Variants in MCF2L2 observed in about 807,000 individuals in gnomAD.
MCF2L2 encodes the protein probable guanine nucleotide exchange factor MCF2L2.
A neutral mutation model predicts 150.2 loss-of-function variants in MCF2L2; 102 were observed. The ratio of observed to expected loss-of-function variants is 0.68; its 90% CI spans 0.58 to 0.80. MCF2L2 has a LOEUF of 0.80. Among genes scored for constraint, MCF2L2 ranks in the 30% least tolerant of loss-of-function variants. MCF2L2 has a pLI of 0.00. For synonymous variants in MCF2L2, 465 were observed against 491.3 expected (o/e 0.95, Z 0.71); for missense variants, 1,256 against 1,372.8 (o/e 0.91, Z 1.34).
chr3:183,331,424 C>T (rs1730269043), intron 5 of MCF2L2, among the ~76,000 whole-genome samples: 2 of 152,174 alleles, frequency 1.3e-5, no homozygotes, highest in South Asian at 4.1e-4. Flanking sequence ...CTTTACCATA[C>T]GTGCATATTC....
At chr3:183,353,275 A>C (rs918257232) in intron 3 of MCF2L2, among the ~76,000 whole-genome samples, 14 of 152,180 alleles carry the variant, frequency 9.2e-5, no homozygotes, top group African/African-American at 3.4e-4. Context: ...TATTTAGAGG[A>C]TACTTCCGCT....
chr3:183,353,161 TA>T (rs201270028), intron 3 of MCF2L2, among the ~76,000 whole-genome samples: 2 of 151,822 alleles, frequency 1.3e-5, no homozygotes, highest in East Asian at 3.9e-4. Flanking sequence ...ATTTAAAAAT[TA>T]AAAAAAACCC....
At chr3:183,393,383 G>C (rs1027101145) in intron 1 of MCF2L2, among the ~76,000 whole-genome samples, 6 of 151,904 alleles carry the variant, frequency 3.9e-5, no homozygotes, top group African/African-American at 1.5e-4. Context: ...AGTAGGGACA[G>C]GGTTTCTCCA....
At chr3:183,369,315 A>T (rs1178465076) in intron 3 of MCF2L2, among the ~76,000 whole-genome samples, 1 of 151,982 alleles carries the variant, frequency 6.6e-6, no homozygotes, top group African/African-American at 2.4e-5. Flanking sequence ...TTAACCAACC[A>T]CCCAACACTG....
chr3:183,418,971 C>T (rs990040457), intron 1 of MCF2L2, among the ~76,000 whole-genome samples: 1 of 152,376 alleles, frequency 6.6e-6, no homozygotes, highest in South Asian at 2.1e-4. Flanking sequence ...CCACACTGCC[C>T]TAGCAGAGAT....
intron 22 of MCF2L2, among the ~76,000 whole-genome samples, chr3:183,211,003 C>T (rs2017340): frequency 0.97 from 148,228 of 152,200 alleles, 72,197 homozygotes; most frequent in East Asian, 1. Flanking sequence ...CAGCAGGAGA[C>T]GGGGCTGTGA....
At chr3:183,334,820 A>C (rs1456621158) in intron 5 of MCF2L2, among the ~76,000 whole-genome samples, 1 of 151,128 alleles carries the variant, frequency 6.6e-6, no homozygotes, top group Non-Finnish European at 1.5e-5. Flanking sequence ...AAGACAAAGA[A>C]AGGGCCAGGC....
chr3:183,217,344 T>A (rs2108657914), intron 21 of MCF2L2, among the ~76,000 whole-genome samples: 1 of 142,434 alleles, frequency 7.0e-6, no homozygotes, highest in African/African-American at 2.6e-5. Flanking sequence ...TGGTGGTGTG[T>A]GCCTGTAATC....
intron 3 of MCF2L2, among the ~76,000 whole-genome samples, chr3:183,355,051 T>A (rs1483510419): frequency 6.6e-6 from 1 of 150,608 alleles, no homozygotes; most frequent in Non-Finnish European, 1.5e-5. Context: ...CTATTTATTT[T>A]AATAATATTA....
intron 3 of MCF2L2, among the ~76,000 whole-genome samples, chr3:183,346,167 C>T (rs1372151225): frequency 6.6e-6 from 1 of 152,116 alleles, no homozygotes; most frequent in East Asian, 1.9e-4. Context: ...TGCGAAAATC[C>T]TCAATACAAC....
In MCF2L2 at chr3:183,415,638, T is replaced by A. The variant is rs143364867; in HGVS notation, c.76+12264A>T. 2.7e-4 allele frequency among the ~76,000 whole-genome samples: 41 copies of A among 151,462 alleles called. No homozygotes were observed. The East Asian group carries it at 7.5e-3, about 28-fold the overall frequency. On this transcript the variant is annotated intron_variant, in intron 1 of 29. Coordinates refer to ENST00000328913, the MANE Select transcript of MCF2L2 (RefSeq NM_015078.4). ...AATATCCTTGTGTATCTCTAGTGAC[T>A]TTTTTTGTTTTAAGTCTACTGTATC...
intron 25 of MCF2L2, among the ~76,000 whole-genome samples, chr3:183,198,308 T>C (rs1170241756): frequency 6.6e-6 from 1 of 152,068 alleles, no homozygotes; most frequent in Admixed American, 6.6e-5. Context: ...AGAATAATTA[T>C]GCAGAGGAGA....
At chr3:183,379,464 C>T in intron 2 of MCF2L2, 53 bp from the exon 3 acceptor site, 1 of 1,269,534 alleles carries the variant, frequency 7.9e-7, no homozygotes, top group South Asian at 1.3e-5. Flanking sequence ...CCTGTCACAC[C>T]TCTGCAGGGA....
chr3:183,371,465 CTTTT>C (rs56835227), intron 3 of MCF2L2, among the ~76,000 whole-genome samples: 14,579 of 125,808 alleles, frequency 0.12, 721 homozygotes, highest in East Asian at 0.23. Flanking sequence ...TCTGAGAAGC[CTTTT>C]TTTTTTTTTT....
intron 1 of MCF2L2, among the ~76,000 whole-genome samples, chr3:183,418,165 G>T (rs1715696727): frequency 1.3e-5 from 2 of 152,124 alleles, no homozygotes; most frequent in Admixed American, 6.5e-5. Context: ...TACAGCCTGG[G>T]TGACAGAGCA....
At chr3:183,297,277 T>C (rs1315638174) in intron 11 of MCF2L2, 110 bp from the exon 12 acceptor site, 2 of 950,524 alleles carry the variant, frequency 2.1e-6, no homozygotes, top group Non-Finnish European at 3.2e-6. Flanking sequence ...TCCCAGACAA[T>C]GGGAAATTGT....
chr3:183,318,017 G>A, intron 7 of MCF2L2, 51 bp downstream of exon 7: 1 of 1,596,040 alleles, frequency 6.3e-7, no homozygotes, highest in African/African-American at 1.3e-5. Context: ...CGAGAGGCAG[G>A]CATACCTGCT....
chr3:183,195,371 T>C (rs1225000687), intron 25 of MCF2L2, 116 bp from the exon 26 acceptor site: 2 of 682,380 alleles, frequency 2.9e-6, no homozygotes, highest in Non-Finnish European at 5.0e-6. Flanking sequence ...TAAAAATATA[T>C]AAAGGTGTGT....
rs756069404 is a variant in MCF2L2 at position 183,338,854 on chromosome 3, T to G, written c.432A>C (p.Thr144=). The change falls in exon 5 of 30, where the codon ACA becomes ACC. Residue 144 remains threonine (T), a synonymous_variant. Coordinates refer to ENST00000328913, the MANE Select transcript of MCF2L2 (RefSeq NM_015078.4). The part of the protein sequence containing the change: ...ILRPSRFIQR[T]FTDIGIKYYR... ...AGTATTTAATGCCAATGTCAGTGAA[T>G]GTCCTCTGGATAAAGCGAGATGGAC... 4.4e-6 allele frequency: 7 copies of G among 1,609,140 alleles called. No individual in the cohort carries two copies. The African/African-American group carries it at 9.3e-5, about 21-fold the overall frequency.
Sources: allele counts gnomAD v4.1 joint callset (sites outside exome capture counted in the v4.1 genomes callset), GRCh38; gene constraint gnomAD v4.1.1; transcripts MANE v1.5; gene names NCBI Gene and HGNC (gene_info 2026-07-23, HGNC 2026-07-21).